DLG2: variants seen among roughly 807,000 people sequenced by gnomAD.
DLG2 encodes the protein disks large homolog 2.
Under a neutral mutation model 132.5 loss-of-function variants are expected in DLG2, and 45 were observed. That is an observed-to-expected ratio of 0.34 (90% CI 0.27 to 0.44). The LOEUF (loss-of-function observed/expected upper bound fraction) is 0.44, where lower values mean the gene tolerates loss of function less well. Among genes scored for constraint, DLG2 ranks in the 20% least tolerant of loss-of-function variants. The pLI is 1.00. For missense variants in DLG2, 1,045 were observed against 1,196.9 expected, an observed-to-expected ratio of 0.87 and a Z score of 1.87; for synonymous variants, 424 against 419.6, an observed-to-expected ratio of 1.01 and a Z score of -0.13.
chr11:84,142,041 C>G (rs759469929), intron 9 of DLG2, among the ~76,000 whole-genome samples: 1 of 151,978 alleles, frequency 6.6e-6, no homozygotes, highest in Non-Finnish European at 1.5e-5. Context: ...TGATGGCTCA[C>G]CCCTGTAATC....
chr11:84,517,017 TAAAA>T (rs1233257981), intron 7 of DLG2, among the ~76,000 whole-genome samples: 4 of 17,106 alleles, frequency 2.3e-4, no homozygotes, highest in Admixed American at 1.7e-3. Context: ...AGTAAAAAAA[TAAAA>T]AATAAATAAA....
At chr11:85,523,113 T>C (rs552944124) in intron 3 of DLG2, among the ~76,000 whole-genome samples, 29 of 152,292 alleles carry the variant, frequency 1.9e-4, no homozygotes, top group Middle Eastern at 3.4e-3. Context: ...TGGGAGGTGA[T>C]TGAATCATGG....
At chr11:84,910,290 A>G (rs890637898) in intron 6 of DLG2, among the ~76,000 whole-genome samples, 1 of 152,214 alleles carries the variant, frequency 6.6e-6, no homozygotes, top group East Asian at 1.9e-4. Context: ...TAAGGGAAAA[A>G]GTAAGTGCTA....
At chr11:84,361,749 A>G (rs577180126) in intron 7 of DLG2, among the ~76,000 whole-genome samples, 1 of 152,038 alleles carries the variant, frequency 6.6e-6, no homozygotes, top group Non-Finnish European at 1.5e-5. Flanking sequence ...TATGACTTAC[A>G]TAGAGAAATA....
At chr11:84,654,192 C>T (rs1017881525) in intron 6 of DLG2, among the ~76,000 whole-genome samples, 1 of 152,134 alleles carries the variant, frequency 6.6e-6, no homozygotes, top group African/African-American at 2.4e-5. Context: ...CTTTGTAACC[C>T]CCATATCCTC....
intron 6 of DLG2, among the ~76,000 whole-genome samples, chr11:84,633,426 A>G (rs1183332688): frequency 6.6e-6 from 1 of 151,964 alleles, no homozygotes; most frequent in Non-Finnish European, 1.5e-5. Flanking sequence ...CTACTGCAAC[A>G]CAGGTTTCTG....
intron 9 of DLG2, among the ~76,000 whole-genome samples, chr11:84,162,584 G>A (rs1032100365): frequency 1.3e-5 from 2 of 151,856 alleles, no homozygotes; most frequent in Non-Finnish European, 2.9e-5. Flanking sequence ...CACATTCATC[G>A]TGTATTTGTC....
At chr11:84,421,676 G>A (rs781733959) in intron 7 of DLG2, among the ~76,000 whole-genome samples, 1 of 151,940 alleles carries the variant, frequency 6.6e-6, no homozygotes, top group African/African-American at 2.4e-5. Context: ...CAAATAATTC[G>A]TACTATTTAG....
At chr11:83,678,942 C>T (rs979947487) in intron 18 of DLG2, among the ~76,000 whole-genome samples, 1 of 152,000 alleles carries the variant, frequency 6.6e-6, no homozygotes, top group Non-Finnish European at 1.5e-5. Flanking sequence ...GCAAGGAAAT[C>T]CCCAACTTCA....
chr11:84,186,555 G>T (rs1373800337), intron 8 of DLG2, among the ~76,000 whole-genome samples: 1 of 151,880 alleles, frequency 6.6e-6, no homozygotes, highest in East Asian at 1.9e-4. Flanking sequence ...ATTGAAGTTT[G>T]TCAGACCTAG....
At chr11:84,083,595 A>T (rs1340169833) in intron 10 of DLG2, among the ~76,000 whole-genome samples, 1 of 152,172 alleles carries the variant, frequency 6.6e-6, no homozygotes, top group Non-Finnish European at 1.5e-5. Context: ...GTGGTTAGTT[A>T]TTTAGAGAGA....
chr11:85,608,364 T>A (rs902360287), intron 2 of DLG2, among the ~76,000 whole-genome samples: 46 of 152,096 alleles, frequency 3.0e-4, no homozygotes, highest in African/African-American at 1.0e-3. Flanking sequence ...CTCTCTCTGA[T>A]GGGGAAAAAT....
chr11:83,868,099 G>C (rs184404161), intron 16 of DLG2, among the ~76,000 whole-genome samples: 2 of 152,240 alleles, frequency 1.3e-5, no homozygotes, highest in Admixed American at 6.5e-5. Flanking sequence ...GGGGGACAGC[G>C]ATGGTCAGAG....
At chr11:83,480,540 C>T in intron 22 of DLG2, 2 of 1,522,268 alleles carry the variant, frequency 1.3e-6, no homozygotes, top group Non-Finnish European at 1.8e-6. Flanking sequence ...GCAGAGGAGG[C>T]TGCATTAAGA....
intron 16 of DLG2, among the ~76,000 whole-genome samples, chr11:83,845,017 T>G (rs1168557572): frequency 2.0e-5 from 3 of 152,120 alleles, no homozygotes; most frequent in Non-Finnish European, 4.4e-5. Flanking sequence ...AACATGGTAT[T>G]ACAGCATATA....
chr11:84,602,746 A>G (rs2154534598), intron 6 of DLG2, among the ~76,000 whole-genome samples: 1 of 152,130 alleles, frequency 6.6e-6, no homozygotes, highest in East Asian at 1.9e-4. Context: ...TTTTGCAAAA[A>G]GTCAGCTTCC....
chr11:84,808,721 C>A (rs904349578), intron 6 of DLG2, among the ~76,000 whole-genome samples: 3 of 151,804 alleles, frequency 2.0e-5, no homozygotes, highest in Admixed American at 6.6e-5. Context: ...GTACCAATTA[C>A]CCAAAAAACA....
At position 85,598,710 on chromosome 11, in the gene DLG2, G is replaced by A. The variant is rs180860974; in HGVS notation, c.-14C>T. The A allele has an allele frequency of 3.2e-5, 50 of 1,574,782 alleles. No homozygotes were observed. Among genetic ancestry groups the A allele is most frequent in the Admixed American group, 5.6e-5 (3 of 53,924 alleles). ...AAAGATACCCATCACCTTTTTAACC[G>A]CATTTTTCAACAGCTGCTCCTCTGG... On this transcript the variant is annotated 5_prime_UTR_variant, in exon 3 of 28. Coordinates refer to ENST00000376104, the MANE Select transcript of DLG2 (RefSeq NM_001142699.3).
At chr11:85,436,999 A>C (rs2091518597) in intron 3 of DLG2, among the ~76,000 whole-genome samples, 1 of 152,236 alleles carries the variant, frequency 6.6e-6, no homozygotes, top group Non-Finnish European at 1.5e-5. Context: ...TGTCCTTTGC[A>C]GGGACATGGA....
Sources: allele counts gnomAD v4.1 joint callset (sites outside exome capture counted in the v4.1 genomes callset), GRCh38; gene constraint gnomAD v4.1.1; transcripts MANE v1.5; gene names NCBI Gene and HGNC (gene_info 2026-07-23, HGNC 2026-07-21).